The following BACE1 variants were observed in gnomAD, a reference collection of about 807,000 sequenced individuals.
BACE1 encodes beta-secretase 1, also known as APP beta-secretase.
BACE1 carries 21 observed loss-of-function variants against 54.0 expected under a neutral mutation model. That is an observed-to-expected ratio of 0.39 (90% CI 0.28 to 0.56). The LOEUF (loss-of-function observed/expected upper bound fraction) is 0.56, where lower values mean the gene tolerates loss of function less well. BACE1 is among the 20% of genes least tolerant of loss of function. The pLI, the probability that BACE1 is intolerant of heterozygous loss-of-function variation, is 0.63. For missense variants in BACE1, 511 were observed against 661.2 expected, an observed-to-expected ratio of 0.77 and a Z score of 2.49; for synonymous variants, 232 against 260.9, an observed-to-expected ratio of 0.89 and a Z score of 1.07.
chr11:117,293,836 A>G lies in BACE1; in HGVS notation c.705+35T>C, dbSNP rs773585421. The stretch of plus-strand genomic sequence containing the variant: ...GAGGATGGCACCCATCTCTCCCTCA[A>G]TGCCAGGACCTCCCCTCTCTGAGGA... On this transcript the variant is annotated intron_variant, in intron 4 of 8. Transcript: ENST00000313005. This position sits in a 1 kb window ranked among gnomAD's most constrained non-coding sequence, Gnocchi z 4.1. 7 of 1,586,234 alleles carry G rather than the reference A, an allele frequency of 4.4e-6. No homozygotes were observed. The highest frequency in any genetic ancestry group is 6.0e-6 in the Non-Finnish European group (7 of 1,166,294).
At chr11:117,298,325 C>A (rs1406387100) in intron 1 of BACE1, among the ~76,000 whole-genome samples, 1 of 151,780 alleles carries the variant, frequency 6.6e-6, no homozygotes, top group Non-Finnish European at 1.5e-5. Context: ...AGAAAAGAAA[C>A]GCTGTGTCTG....
At chr11:117,298,827 T>G (rs963308921) in intron 1 of BACE1, among the ~76,000 whole-genome samples, 1 of 152,172 alleles carries the variant, frequency 6.6e-6, no homozygotes, top group African/African-American at 2.4e-5. Flanking sequence ...TTTTTTGAGA[T>G]GGAGTTTCGC....
intron 1 of BACE1, among the ~76,000 whole-genome samples, chr11:117,308,094 A>G (rs2034871595): frequency 6.6e-6 from 1 of 152,006 alleles, no homozygotes; most frequent in South Asian, 2.1e-4. Flanking sequence ...GCGGGGATCT[A>G]GAGTGTTGAC....
In BACE1 at chr11:117,286,098, G is replaced by A. The variant is rs1468858711; in HGVS notation, c.*3468C>T. 6.6e-6 allele frequency: 1 copy of A among 152,636 alleles called. No individual in the cohort carries two copies. The highest frequency in any genetic ancestry group is 1.5e-5 in the Non-Finnish European group (1 of 68,042). 9.5% of individuals were successfully genotyped at this position (152,636 alleles called of 1,614,324 possible). ...GGGTGAGCTCCAGACAGGCACTGGG[G>A]TGAGGAGATGTCTGTGCAAAATTAC... On this transcript the variant is annotated 3_prime_UTR_variant, in exon 9 of 9. Coordinates refer to ENST00000313005, the MANE Select transcript of BACE1 (RefSeq NM_012104.6).
At chr11:117,307,079 C>T (rs1201490859) in intron 1 of BACE1, among the ~76,000 whole-genome samples, 1 of 152,122 alleles carries the variant, frequency 6.6e-6, no homozygotes. Flanking sequence ...CACAGCCCAG[C>T]TCTCCTATTT....
chr11:117,292,101 T>G (rs1445998619), intron 5 of BACE1: 1 of 192,590 alleles, frequency 5.2e-6, no homozygotes, highest in Non-Finnish European at 1.1e-5. Flanking sequence ...AAATGTTTAT[T>G]CTTGTTAATC....
chr11:117,289,579 G>A lies in BACE1; in HGVS notation c.1493C>T (p.Ser498Phe), dbSNP rs765572674. The A allele has an allele frequency of 1.2e-6, 2 of 1,614,174 alleles. No individual in the cohort carries two copies. The highest frequency in any genetic ancestry group is 1.7e-6 in the Non-Finnish European group (2 of 1,180,034). Reference sequence around the variant, plus strand: ...CCATGGGCCTCCTCACTTCAGCAGGGAGATGTCATCAGCAAAGTCATCATG... The same window carrying A: ...CCATGGGCCTCCTCACTTCAGCAGGAAGATGTCATCAGCAAAGTCATCATG... ...QQHDDFADDI[S>F]LLK The change falls in exon 9 of 9, where the codon TCC becomes TTC. Residue 498 changes from serine to phenylalanine, a missense_variant. Ser to Phe is a radical substitution (Grantham distance 155). Transcript: ENST00000313005.
At chr11:117,303,315 A>G (rs935142248) in intron 1 of BACE1, among the ~76,000 whole-genome samples, 5 of 152,196 alleles carry the variant, frequency 3.3e-5, no homozygotes, top group Admixed American at 2.0e-4. Flanking sequence ...AACTAGGTCA[A>G]TGTCAATCAT....
rs993974695 is a variant in BACE1 at position 117,286,725 on chromosome 11, C to T, written c.*2841G>A. 3 of 152,728 alleles carry T rather than the reference C, an allele frequency of 2.0e-5. No homozygotes were observed. Among genetic ancestry groups the T allele is most frequent in the Non-Finnish European group, 4.4e-5 (3 of 68,066 alleles). 9.5% of individuals were successfully genotyped at this position (152,728 alleles called of 1,614,324 possible). ...TCACTTGCCCAGGTTTATTGACTAG[C>T]GTCAGTTTAAGGAGCTGGACTTCCT... On this transcript the variant is annotated 3_prime_UTR_variant, in exon 9 of 9. Coordinates refer to ENST00000313005, the MANE Select transcript of BACE1 (RefSeq NM_012104.6).
At chr11:117,301,059 G>A (rs991393492) in intron 1 of BACE1, among the ~76,000 whole-genome samples, 1 of 152,016 alleles carries the variant, frequency 6.6e-6, no homozygotes, top group East Asian at 1.9e-4. Context: ...TACAGTTACC[G>A]GTGACTTCAT....
chr11:117,296,621 C>T (rs1250849746), intron 2 of BACE1, among the ~76,000 whole-genome samples: 1 of 152,142 alleles, frequency 6.6e-6, no homozygotes, highest in Admixed American at 6.5e-5. Context: ...TTCCCTCCCA[C>T]AGGAGGCTGC....
In BACE1 at chr11:117,289,556, A is replaced by C. The variant is rs746532169; in HGVS notation, c.*10T>G. 3.1e-6 allele frequency: 5 copies of C among 1,613,858 alleles called. No individual in the cohort carries two copies. The South Asian group carries it at 4.4e-5, about 14-fold the overall frequency. ...CCAGGGGAATCTCTATCTTCTGCCC[A>C]TGGGCCTCCTCACTTCAGCAGGGAG... On this transcript the variant is annotated 3_prime_UTR_variant, in exon 9 of 9. Transcript: ENST00000313005.
At chr11:117,300,204 C>A (rs1316858485) in intron 1 of BACE1, among the ~76,000 whole-genome samples, 1 of 152,100 alleles carries the variant, frequency 6.6e-6, no homozygotes, top group African/African-American at 2.4e-5. Flanking sequence ...CACTCCCATC[C>A]CTCTCACCCA....
At chr11:117,307,459 G>A (rs574115675) in intron 1 of BACE1, among the ~76,000 whole-genome samples, 76 of 152,220 alleles carry the variant, frequency 5.0e-4, no homozygotes, top group Non-Finnish European at 9.3e-4. Flanking sequence ...TTACAGGCAC[G>A]TGCCACCATG....
intron 1 of BACE1, among the ~76,000 whole-genome samples, chr11:117,308,193 T>C (rs1338465941): frequency 6.6e-6 from 1 of 152,108 alleles, no homozygotes; most frequent in African/African-American, 2.4e-5. Context: ...AACCACCTGG[T>C]CCTTCTTGGT....
At chr11:117,291,654 T>A (rs1477917741) in intron 6 of BACE1, 58 bp downstream of exon 6, 1 of 1,277,838 alleles carries the variant, frequency 7.8e-7, no homozygotes, top group African/African-American at 1.5e-5. Context: ...AATGTGACTC[T>A]CACCGCCTCC....
At chr11:117,295,489 T>C in intron 2 of BACE1, 142 bp from the exon 3 acceptor site, 3 of 1,536,910 alleles carry the variant, frequency 2.0e-6, no homozygotes, top group East Asian at 4.9e-5. Flanking sequence ...AAAACATCCC[T>C]AGACTCACCA....
chr11:117,295,234 G>A lies in BACE1; in HGVS notation c.464C>T (p.Thr155Ile), dbSNP rs1565359618. Residue 155 changes from threonine to isoleucine, a missense_variant, in exon 3 of 9, where the codon ACT becomes ATT. Transcript: ENST00000313005. The part of the protein sequence containing the change: ...LVSIPHGPNV[T>I]VRANIAAITE... ...GATGGCAGCAATGTTGGCACGCACA[G>A]TGACGTTGGGGCCATGGGGGATGCT... 6.2e-7 allele frequency: 1 copy of A among 1,614,240 alleles called. No homozygotes were observed. Among genetic ancestry groups the A allele is most frequent in the Non-Finnish European group, 8.5e-7 (1 of 1,180,038 alleles).
At chr11:117,305,859 C>A (rs1426484930) in intron 1 of BACE1, among the ~76,000 whole-genome samples, 1 of 151,942 alleles carries the variant, frequency 6.6e-6, no homozygotes, top group Non-Finnish European at 1.5e-5. Flanking sequence ...CACGGTGAAA[C>A]CCCGTCTCCA....
Sources: gnomAD v4.1 joint callset for allele counts (sites outside exome capture counted in the v4.1 genomes callset) on GRCh38, gnomAD v4.1.1 for gene constraint, Gnocchi (gnomAD v3.1) non-coding constraint, MANE v1.5 for transcripts, NCBI Gene and HGNC (gene_info 2026-07-23, HGNC 2026-07-21) for gene names.